Variants in EIPR1 observed in about 807,000 individuals in gnomAD.
EIPR1 encodes the protein EARP complex and GARP complex interacting protein 1.
In EIPR1, 25 loss-of-function variants were observed where a neutral mutation model predicts 48.1. That is an observed-to-expected ratio of 0.52 (90% CI 0.38 to 0.73). The LOEUF is 0.73. Ranked by LOEUF, EIPR1 falls within the 30% of genes least tolerant of loss-of-function variation. The pLI, the probability that EIPR1 is intolerant of heterozygous loss-of-function variation, is 0.00. For synonymous variants in EIPR1, 204 were observed against 201.9 expected (o/e 1.01, Z -0.09); for missense variants, 415 against 506.2 (o/e 0.82, Z 1.73).
At chr2:3,202,373 C>T (rs1665078982) in intron 5 of EIPR1, among the ~76,000 whole-genome samples, 1 of 152,196 alleles carries the variant, frequency 6.6e-6, no homozygotes, top group African/African-American at 2.4e-5. Flanking sequence ...ACCTACTTAT[C>T]AGGTTAATGA....
chr2:3,282,600 G>C (rs1453259125), intron 3 of EIPR1: 1 of 152,308 alleles, frequency 6.6e-6, no homozygotes, highest in Admixed American at 6.5e-5. Context: ...GCTCCTGGCA[G>C]GGTGTGTGCT....
chr2:3,215,831 C>G (rs1665613031), intron 4 of EIPR1, among the ~76,000 whole-genome samples: 1 of 152,234 alleles, frequency 6.6e-6, no homozygotes, highest in Non-Finnish European at 1.5e-5. Context: ...ACCACAATCT[C>G]TTTCTCATTT....
At chr2:3,346,711 A>G (rs1164981260) in intron 2 of EIPR1, among the ~76,000 whole-genome samples, 1 of 152,250 alleles carries the variant, frequency 6.6e-6, no homozygotes, top group Non-Finnish European at 1.5e-5. Flanking sequence ...GTTCCAGCTC[A>G]GGAATTGAAA....
At chr2:3,288,060 G>A (rs1668260811) in intron 3 of EIPR1, among the ~76,000 whole-genome samples, 1 of 152,238 alleles carries the variant, frequency 6.6e-6, no homozygotes, top group Admixed American at 6.5e-5. Context: ...TGTAGGTAAG[G>A]TTGTCGCAGG....
intron 1 of EIPR1, among the ~76,000 whole-genome samples, chr2:3,372,335 AG>A (rs1392279840): frequency 6.6e-6 from 1 of 151,120 alleles, no homozygotes; most frequent in East Asian, 1.9e-4. Flanking sequence ...GAAAAGCAAG[AG>A]CAAACACATT....
At chr2:3,374,431 A>C in intron 1 of EIPR1, among the ~76,000 whole-genome samples, 1 of 151,940 alleles carries the variant, frequency 6.6e-6, no homozygotes, top group Admixed American at 6.6e-5. Context: ...CTACCAACAG[A>C]GTGAACAGGC....
chr2:3,307,008 C>T (rs1013762018), intron 3 of EIPR1, among the ~76,000 whole-genome samples: 7 of 151,672 alleles, frequency 4.6e-5, no homozygotes, highest in Non-Finnish European at 1.0e-4. Flanking sequence ...TGCTCTATTG[C>T]CCAGGCTGGA....
At chr2:3,204,519 A>C (rs1286319290) in intron 5 of EIPR1, among the ~76,000 whole-genome samples, 1 of 152,176 alleles carries the variant, frequency 6.6e-6, no homozygotes, top group Admixed American at 6.5e-5. Flanking sequence ...GCATGCAGTA[A>C]TCTGTTTTTC....
intron 1 of EIPR1, among the ~76,000 whole-genome samples, chr2:3,372,926 A>G (rs1246145849): frequency 6.6e-6 from 1 of 151,872 alleles, no homozygotes; most frequent in Non-Finnish European, 1.5e-5. Context: ...AGACACAACC[A>G]AAAAAGAGAA....
intron 2 of EIPR1, among the ~76,000 whole-genome samples, chr2:3,338,627 G>A (rs983157694): frequency 2.6e-5 from 4 of 152,138 alleles, no homozygotes; most frequent in Non-Finnish European, 4.4e-5. Flanking sequence ...GGCAGAACTC[G>A]ACTCATACTT....
chr2:3,324,934 G>A (rs898876536), intron 3 of EIPR1, among the ~76,000 whole-genome samples: 1 of 152,230 alleles, frequency 6.6e-6, no homozygotes, highest in African/African-American at 2.4e-5. Context: ...GAAAAGCAGC[G>A]CTTCCAGGTT....
chr2:3,310,454 C>A (rs746199487), intron 3 of EIPR1, among the ~76,000 whole-genome samples: 8 of 142,370 alleles, frequency 5.6e-5, no homozygotes, highest in Non-Finnish European at 9.0e-5. Context: ...GAGACTGAGA[C>A]CATCCTGGCT....
At chr2:3,295,845 A>C (rs1418931376) in intron 3 of EIPR1, among the ~76,000 whole-genome samples, 9 of 55,278 alleles carry the variant, frequency 1.6e-4, no homozygotes, top group East Asian at 5.2e-4. Context: ...GCACACACAC[A>C]CCCTCCATCC....
chr2:3,219,090 T>C (rs1445367726), intron 4 of EIPR1, among the ~76,000 whole-genome samples: 1 of 148,968 alleles, frequency 6.7e-6, no homozygotes, highest in Non-Finnish European at 1.5e-5. Context: ...TCTAGAGCAT[T>C]CACAGTGACT....
In EIPR1 at chr2:3,377,721, C is replaced by CG; in HGVS notation, c.-33_-32insC. The CG allele has an allele frequency of 1.9e-6, 3 of 1,566,964 alleles. No homozygotes were observed. Among genetic ancestry groups the CG allele is most frequent in the South Asian group, 2.3e-5 (2 of 85,342 alleles). ...GGGAAGCGACCCGACCCCGGCCACT[C>CG]ACACGCTAAGGACCTCGCTACGGCC... On this transcript the variant is annotated 5_prime_UTR_variant, in exon 1 of 9. It removes the in-frame stop codon of an upstream open reading frame in the 5' UTR. Coordinates refer to ENST00000382125, the MANE Select transcript of EIPR1 (RefSeq NM_003310.5).
chr2:3,199,060 G>GCCC (rs1214394853), intron 5 of EIPR1, among the ~76,000 whole-genome samples: 20 of 23,322 alleles, frequency 8.6e-4, no homozygotes, highest in Middle Eastern at 0.042. Context: ...CATTTTAGAG[G>GCCC]GCCCCCCCCC....
chr2:3,370,328 C>T (rs1447269931), intron 1 of EIPR1, among the ~76,000 whole-genome samples: 2 of 152,178 alleles, frequency 1.3e-5, no homozygotes, highest in Admixed American at 6.5e-5. Flanking sequence ...AAAAGCAGAG[C>T]GCTTCTCCTC....
In EIPR1 at chr2:3,196,862, G is replaced by A. The variant is rs199821485; in HGVS notation, c.653+19C>T. On this transcript the variant is annotated intron_variant, in intron 6 of 8. Coordinates refer to ENST00000382125, the MANE Select transcript of EIPR1 (RefSeq NM_003310.5). ...AGGGAGGAAAGGAAGTGGGGCCTGC[G>A]CCGGGTGGGCTCACTGACCTCATGC... The A allele has an allele frequency of 3.0e-5, 49 of 1,611,782 alleles. No homozygotes were observed. The highest frequency in any genetic ancestry group is 3.3e-4 in the Middle Eastern group (2 of 6,052).
At chr2:3,212,604 G>A (rs1399868743) in intron 5 of EIPR1, among the ~76,000 whole-genome samples, 2 of 152,184 alleles carry the variant, frequency 1.3e-5, no homozygotes, top group African/African-American at 4.8e-5. Flanking sequence ...CAAAAACACA[G>A]GGAGGGAAGG....
Sources: allele counts gnomAD v4.1 joint callset (sites outside exome capture counted in the v4.1 genomes callset), GRCh38; gene constraint gnomAD v4.1.1; transcripts MANE v1.5; gene names NCBI Gene and HGNC (gene_info 2026-07-23, HGNC 2026-07-21).